The following CADM2 variants were observed in gnomAD, a reference collection of about 807,000 sequenced individuals.
CADM2 encodes immunoglobulin superfamily member 4D.
A neutral mutation model predicts 49.8 loss-of-function variants in CADM2; 12 were observed. That is an observed-to-expected ratio of 0.24 (90% CI 0.15 to 0.39). The LOEUF is 0.39. Among genes scored for constraint, CADM2 ranks in the 10% least tolerant of loss-of-function variants. The pLI is 1.00. For missense variants in CADM2, 378 were observed against 492.3 expected, an observed-to-expected ratio of 0.77 and a Z score of 2.20; for synonymous variants, 214 against 175.4, an observed-to-expected ratio of 1.22 and a Z score of -1.74.
At position 85,064,791 on chromosome 3, in the gene CADM2, AGAT is replaced by A; in HGVS notation, c.61+105130_61+105132del. Among the ~76,000 whole-genome samples the A allele has an allele frequency of 1.3e-5, 2 of 152,200 alleles. 1 individual carries two copies. Among genetic ancestry groups the A allele is most frequent in the South Asian group, 4.1e-4 (2 of 4,824 alleles). ...CTTCTCTGCTGGCTGATTGAATAAT[AGAT>A]GATGATTGCTTTCCTAGCAAGGGGG... On this transcript the variant is annotated intron_variant, in intron 1 of 9. Coordinates refer to ENST00000383699, the MANE Select transcript of CADM2 (RefSeq NM_001167675.2).
At chr3:85,099,976 T>C (rs2037950783) in intron 1 of CADM2, among the ~76,000 whole-genome samples, 1 of 152,182 alleles carries the variant, frequency 6.6e-6, no homozygotes, top group Admixed American at 6.5e-5. Flanking sequence ...CATACTGTTT[T>C]TTTTTCCTCA....
At chr3:85,167,074 G>A (rs1441474890) in intron 1 of CADM2, among the ~76,000 whole-genome samples, 1 of 151,884 alleles carries the variant, frequency 6.6e-6, no homozygotes, top group Non-Finnish European at 1.5e-5. Flanking sequence ...TTTTCCTAAA[G>A]CCTTTGTCAA....
At chr3:85,371,527 A>C (rs1405898737) in intron 1 of CADM2, among the ~76,000 whole-genome samples, 2 of 151,312 alleles carry the variant, frequency 1.3e-5, no homozygotes, top group African/African-American at 2.4e-5. Flanking sequence ...AGGTAAGTAC[A>C]CTCTATGGTC....
intron 1 of CADM2, among the ~76,000 whole-genome samples, chr3:84,998,751 T>C (rs1325187854): frequency 6.6e-6 from 1 of 152,132 alleles, no homozygotes; most frequent in Non-Finnish European, 1.5e-5. Context: ...TGTTTTCTTC[T>C]GTGATCAGGG....
At chr3:85,548,935 A>T (rs2107100895) in intron 1 of CADM2, among the ~76,000 whole-genome samples, 1 of 152,340 alleles carries the variant, frequency 6.6e-6, no homozygotes, top group Middle Eastern at 3.4e-3. Context: ...CTCCTAAGTT[A>T]GGAAATAAAA....
At chr3:85,141,370 C>T (rs368439660) in intron 1 of CADM2, among the ~76,000 whole-genome samples, 3 of 152,096 alleles carry the variant, frequency 2.0e-5, no homozygotes, top group Admixed American at 1.3e-4. Context: ...ATACTTAACA[C>T]ATGTAAAGTG....
At chr3:85,049,254 A>G (rs1349660501) in intron 1 of CADM2, among the ~76,000 whole-genome samples, 2 of 152,220 alleles carry the variant, frequency 1.3e-5, no homozygotes, top group Non-Finnish European at 2.9e-5. Flanking sequence ...ATACAAAAAT[A>G]TAAACTAGTT....
chr3:85,727,786 G>A (rs890254443), intron 2 of CADM2, among the ~76,000 whole-genome samples: 1 of 152,096 alleles, frequency 6.6e-6, no homozygotes, highest in Non-Finnish European at 1.5e-5. Context: ...ACCACTTTAT[G>A]TAGGAGGTGG....
At chr3:85,312,586 A>AT (rs1466505166) in intron 1 of CADM2, among the ~76,000 whole-genome samples, 1 of 152,134 alleles carries the variant, frequency 6.6e-6, no homozygotes, top group African/African-American at 2.4e-5. Flanking sequence ...TACATCACTT[A>AT]TTAGGTAAAC....
chr3:85,009,407 A>C (rs1310008303), intron 1 of CADM2, among the ~76,000 whole-genome samples: 1 of 152,208 alleles, frequency 6.6e-6, no homozygotes, highest in Non-Finnish European at 1.5e-5. Context: ...CAGAATTACA[A>C]CTAGCTAAAT....
chr3:85,044,323 TA>T (rs1260273284), intron 1 of CADM2, among the ~76,000 whole-genome samples: 2 of 152,044 alleles, frequency 1.3e-5, no homozygotes, highest in East Asian at 1.9e-4. Context: ...CCCCCCACCA[TA>T]AAAAAAGACC....
intron 1 of CADM2, among the ~76,000 whole-genome samples, chr3:84,981,795 T>A (rs759887898): frequency 3.3e-5 from 5 of 152,176 alleles, no homozygotes; most frequent in Non-Finnish European, 4.4e-5. Flanking sequence ...ATAGATGGGT[T>A]TGAGAAACTA....
intron 1 of CADM2, among the ~76,000 whole-genome samples, chr3:85,362,910 C>T (rs182606695): frequency 5.9e-5 from 9 of 152,188 alleles, no homozygotes; most frequent in African/African-American, 1.4e-4. Flanking sequence ...CAAACACTTA[C>T]GAATGTAAGT....
At chr3:85,897,976 C>G (rs1715478327) in intron 5 of CADM2, among the ~76,000 whole-genome samples, 2 of 152,058 alleles carry the variant, frequency 1.3e-5, no homozygotes, top group African/African-American at 4.8e-5. Flanking sequence ...TTTATACTTA[C>G]TGCTTTGAAA....
chr3:85,113,089 A>C (rs1336561847), intron 1 of CADM2, among the ~76,000 whole-genome samples: 1 of 152,000 alleles, frequency 6.6e-6, no homozygotes, highest in East Asian at 1.9e-4. Context: ...TCTTCAGCTC[A>C]TTGTATTTCT....
At chr3:85,334,366 T>G (rs970960541) in intron 1 of CADM2, among the ~76,000 whole-genome samples, 1 of 151,536 alleles carries the variant, frequency 6.6e-6, no homozygotes, top group African/African-American at 2.4e-5. Flanking sequence ...TCAGAATAAT[T>G]TAAGTTGACT....
intron 6 of CADM2, among the ~76,000 whole-genome samples, chr3:85,916,133 C>T (rs962308426): frequency 6.6e-6 from 1 of 152,024 alleles, no homozygotes. Context: ...AAATATTAAT[C>T]ATACATTTAA....
intron 1 of CADM2, among the ~76,000 whole-genome samples, chr3:85,063,533 G>T (rs1355690405): frequency 1.3e-5 from 2 of 152,008 alleles, no homozygotes; most frequent in East Asian, 3.9e-4. Flanking sequence ...CAAGTATTTT[G>T]ATCTTAAACA....
chr3:85,064,153 G>A (rs1043647348), intron 1 of CADM2, among the ~76,000 whole-genome samples: 1 of 152,070 alleles, frequency 6.6e-6, no homozygotes, highest in African/African-American at 2.4e-5. Flanking sequence ...GCTCTAGGAA[G>A]CAAATTTGTA....
Sources: gnomAD v4.1 joint callset for allele counts (sites outside exome capture counted in the v4.1 genomes callset) on GRCh38, gnomAD v4.1.1 for gene constraint, MANE v1.5 for transcripts, NCBI Gene and HGNC (gene_info 2026-07-23, HGNC 2026-07-21) for gene names.